The following IPO5 variants were observed in gnomAD, a reference collection of about 807,000 sequenced individuals.
IPO5 encodes importin 5, also known as importin-5.
In IPO5, 18 loss-of-function variants were observed where a neutral mutation model predicts 143.3. The ratio of observed to expected loss-of-function variants is 0.13; its 90% CI spans 0.09 to 0.19. IPO5 has a LOEUF of 0.19. Ranked by LOEUF, IPO5 falls within the 10% of genes least tolerant of loss-of-function variation. The pLI is 1.00. For synonymous variants in IPO5, 477 were observed against 465.7 expected (o/e 1.02, Z -0.31); for missense variants, 1,013 against 1,336.9 (o/e 0.76, Z 3.78).
At chr13:98,005,800 G>A (rs578250588) in intron 16 of IPO5, among the ~76,000 whole-genome samples, 1 of 152,100 alleles carries the variant, frequency 6.6e-6, no homozygotes, top group Non-Finnish European at 1.5e-5. Context: ...AGAAAAAAAT[G>A]AGGATGAAGT....
At chr13:97,970,615 C>T (rs892582419) in intron 3 of IPO5, among the ~76,000 whole-genome samples, 1 of 151,666 alleles carries the variant, frequency 6.6e-6, no homozygotes, top group Admixed American at 6.6e-5. Flanking sequence ...AGTGGGACTC[C>T]GTCGCAAAAA....
chr13:98,008,655 G>A (rs1486522111), intron 18 of IPO5, among the ~76,000 whole-genome samples: 3 of 152,032 alleles, frequency 2.0e-5, no homozygotes, highest in Non-Finnish European at 2.9e-5. Flanking sequence ...CCTGCCTCTC[G>A]ACACACACGC....
At position 98,024,039 on chromosome 13, in the gene IPO5, C is replaced by G. The variant is rs957958766; in HGVS notation, c.*2217C>G. 2.0e-5 allele frequency: 3 copies of G among 152,118 alleles called. No individual in the cohort carries two copies. Among genetic ancestry groups the G allele is most frequent in the Non-Finnish European group, 1.5e-5 (1 of 68,016 alleles). 9.4% of individuals were successfully genotyped at this position (152,118 alleles called of 1,614,324 possible). On this transcript the variant is annotated 3_prime_UTR_variant, in exon 29 of 29. Transcript: ENST00000651721. ...AAGTGATATATATTGTTTATAAATGCAAGCTATTTCTGGAGGGGAAAAATG... is the reference window on the plus strand; with the variant it reads ...AAGTGATATATATTGTTTATAAATGGAAGCTATTTCTGGAGGGGAAAAATG...
intron 9 of IPO5, among the ~76,000 whole-genome samples, chr13:97,992,342 A>G (rs1887873689): frequency 6.6e-6 from 1 of 152,224 alleles, no homozygotes; most frequent in Non-Finnish European, 1.5e-5. Context: ...AAAATGGGTA[A>G]TATTGGACAC....
At chr13:97,973,557 C>T (rs775766298) in intron 3 of IPO5, among the ~76,000 whole-genome samples, 2 of 152,184 alleles carry the variant, frequency 1.3e-5, no homozygotes, top group Non-Finnish European at 2.9e-5. Context: ...CTATCTACCC[C>T]AAGTTTACTG....
In IPO5 at chr13:97,982,596, T is replaced by C. The variant is rs1886946110; in HGVS notation, c.171+13T>C. 12 of 1,424,452 alleles carry C rather than the reference T, an allele frequency of 8.4e-6. No individual in the cohort carries two copies. The highest frequency in any genetic ancestry group is 1.2e-5 in the Non-Finnish European group (12 of 1,010,436). 88.2% of individuals were successfully genotyped at this position (1,424,452 alleles called of 1,614,324 possible). ...AGCTGCTGAAGAGGTACTACCTTAA[T>C]ATTTGTGACTATTACATTCTTAGAA... is the stretch of plus-strand genomic sequence containing the variant. On this transcript the variant is annotated intron_variant, in intron 5 of 28. Transcript: ENST00000651721.
intron 4 of IPO5, chr13:97,981,249 T>C (rs1286977471): frequency 4.4e-6 from 2 of 456,080 alleles, no homozygotes; most frequent in African/African-American, 2.0e-5. Context: ...CAGACAGATA[T>C]GTTTGAAAAG....
chr13:97,982,375 G>A (rs982254490), intron 4 of IPO5, 128 bp from the exon 5 acceptor site: 4 of 625,518 alleles, frequency 6.4e-6, no homozygotes, highest in Non-Finnish European at 8.4e-6. Flanking sequence ...TCATGTCACA[G>A]AAGGTGTTAA....
chr13:97,984,888 A>C (rs1887193385), intron 5 of IPO5, among the ~76,000 whole-genome samples: 1 of 152,260 alleles, frequency 6.6e-6, no homozygotes, highest in African/African-American at 2.4e-5. Context: ...TTTGAAAATG[A>C]AAATCCAAGA....
chr13:97,975,974 A>G lies in IPO5; in HGVS notation c.-4-719A>G, dbSNP rs531409296. On this transcript the variant is annotated intron_variant, in intron 3 of 28. Transcript: ENST00000651721. ...CCCTGGGGGAGGTCGGAGGGTCTGA[A>G]AGCGAGAAGTCCGTGAGTAGAAGGT... The G allele has an allele frequency of 2.7e-5, 27 of 985,508 alleles. 1 individual carries two copies. In the African/African-American group the frequency reaches 4.5e-4, roughly 17 times the overall value. 61.0% of individuals were successfully genotyped at this position (985,508 alleles called of 1,614,324 possible). A position where few individuals can be genotyped will look rare whatever the true frequency, so the allele number is the denominator to read the frequency against.
At chr13:97,976,610 T>G in intron 3 of IPO5, 83 bp from the exon 4 acceptor site, 1 of 374,748 alleles carries the variant, frequency 2.7e-6, no homozygotes, top group African/African-American at 2.3e-5. Context: ...GTCCCCGCGC[T>G]GGGCCCGCCC....
At chr13:98,001,134 A>T (rs1275709927) in intron 13 of IPO5, among the ~76,000 whole-genome samples, 1 of 152,140 alleles carries the variant, frequency 6.6e-6, no homozygotes, top group Non-Finnish European at 1.5e-5. Flanking sequence ...TCAGCCTCCC[A>T]GAGTGCTTAG....
chr13:97,972,929 C>G (rs1006097301), intron 3 of IPO5, among the ~76,000 whole-genome samples: 7 of 151,958 alleles, frequency 4.6e-5, no homozygotes, highest in Non-Finnish European at 8.8e-5. Context: ...CCCCTAGACT[C>G]AAGTTCAAGG....
Position 97,993,028 on chromosome 13 carries a change from G to A in IPO5, c.792+14G>A, listed in dbSNP as rs377549232. ...CTAAGTCTAAAGGTAAATTAAGTAC[G>A]TTAGTAAACGTTCTGTTTGTTATTT... On this transcript the variant is annotated intron_variant, in intron 10 of 28. Transcript: ENST00000651721. The A allele has an allele frequency of 2.4e-5, 38 of 1,611,752 alleles. 1 individual carries two copies. The highest frequency in any genetic ancestry group is 3.3e-4 in the Middle Eastern group (2 of 6,076).
At chr13:97,973,303 A>G (rs1225318654) in intron 3 of IPO5, among the ~76,000 whole-genome samples, 1 of 152,054 alleles carries the variant, frequency 6.6e-6, no homozygotes, top group East Asian at 1.9e-4. Context: ...CCGCCTCCCA[A>G]AGTGCTAGGA....
intron 18 of IPO5, among the ~76,000 whole-genome samples, chr13:98,009,191 A>C (rs1482011956): frequency 6.6e-6 from 1 of 152,242 alleles, no homozygotes; most frequent in Non-Finnish European, 1.5e-5. Flanking sequence ...TTTTACATAT[A>C]AAATCATTAA....
chr13:98,012,801 A>ATTTTTTTTTTTTTTTT (rs59658983), intron 21 of IPO5, among the ~76,000 whole-genome samples: 12 of 109,158 alleles, frequency 1.1e-4, no homozygotes, highest in East Asian at 8.2e-4. Flanking sequence ...GCTAGATTTG[A>ATTTTTTTTTTTTTTTT]TTTTTTTTTT....
chr13:97,976,001 C>A (rs1021921869), intron 3 of IPO5: 2 of 977,638 alleles, frequency 2.0e-6, no homozygotes, highest in African/African-American at 1.8e-5. Flanking sequence ...GTAGAAGGTA[C>A]GTAGGAAGTG....
chr13:98,014,257 T>C, intron 22 of IPO5, 43 bp downstream of exon 22: 1 of 1,412,242 alleles, frequency 7.1e-7, no homozygotes, highest in South Asian at 1.3e-5. Context: ...GGTTGTATGT[T>C]CATTTATTAG....
Sources: allele counts gnomAD v4.1 joint callset (sites outside exome capture counted in the v4.1 genomes callset), GRCh38; gene constraint gnomAD v4.1.1; transcripts MANE v1.5; gene names NCBI Gene and HGNC (gene_info 2026-07-23, HGNC 2026-07-21).